The following LETMD1 variants were observed in gnomAD, a reference collection of about 807,000 sequenced individuals.
LETMD1 encodes the protein LETM1 domain containing 1.
LETMD1 carries 30 observed loss-of-function variants against 43.9 expected under a neutral mutation model. The ratio of observed to expected loss-of-function variants is 0.68; its 90% confidence interval spans 0.51 to 0.93. LETMD1 has a LOEUF of 0.93. Ranked by LOEUF, LETMD1 falls within the 40% of genes least tolerant of loss-of-function variation. The pLI is 0.00. For missense variants in LETMD1, 413 were observed against 447.7 expected (o/e 0.92, Z 0.70); for synonymous variants, 176 against 163.1 (o/e 1.08, Z -0.60).
At chr12:51,068,401 C>G in the LETMD1 span, among the ~76,000 whole-genome samples, 1 of 152,176 alleles carries the variant, frequency 6.6e-6, no homozygotes, top group Non-Finnish European at 1.5e-5. Flanking sequence ...ATCCACACAC[C>G]TCGGCCTCCC....
downstream of LETMD1, chr12:51,063,854 G>T (rs1407768475): frequency 6.2e-7 from 1 of 1,614,108 alleles, no homozygotes; most frequent in Admixed American, 1.7e-5. Flanking sequence ...TGCGGAAGGG[G>T]AGGCTTGAGG....
chr12:51,059,571 A>G lies in LETMD1; in HGVS notation c.*140A>G, dbSNP rs1230879779. On this transcript the variant is annotated 3_prime_UTR_variant, in exon 9 of 9. Transcript: ENST00000262055. ...GAGGAGCAGGGGCCATGGGCTTCAC[A>G]GCATGGCACACATGTGGGAACTGCA... The G allele has an allele frequency of 1.4e-6, 1 of 726,416 alleles. No individual in the cohort carries two copies. 45.0% of individuals were successfully genotyped at this position (726,416 alleles called of 1,614,324 possible).
Position 51,048,350 on chromosome 12 carries a change from T to G in LETMD1, c.-7T>G, listed in dbSNP as rs1944900416. 6.2e-7 allele frequency: 1 copy of G among 1,614,094 alleles called. No individual in the cohort carries two copies. Among genetic ancestry groups the G allele is most frequent in the Non-Finnish European group, 8.5e-7 (1 of 1,179,984 alleles). On this transcript the variant is annotated 5_prime_UTR_variant, in exon 1 of 9. Transcript: ENST00000262055. ...ACCTCTTCTCTCCCGCTTCTCTCGC[T>G]GTGAAGATGGCGCTCTCCAGGGTGT...
chr12:51,067,445 G>A, the LETMD1 span, among the ~76,000 whole-genome samples: 28 of 152,044 alleles, frequency 1.8e-4, no homozygotes, highest in Non-Finnish European at 3.4e-4. The surrounding 1 kb of genome is among the most constrained non-coding windows in gnomAD (Gnocchi z 4.1). Context: ...GGACTCAAGA[G>A]ATCCTCCTAC....
chr12:51,063,796 C>T, downstream of LETMD1: 1 of 1,600,120 alleles, frequency 6.2e-7, no homozygotes. Flanking sequence ...GGCCGATCCT[C>T]ATTCTGCTGG....
At chr12:51,063,594 TACTC>T (rs1006242202), downstream of LETMD1, 5 of 611,550 alleles carry the variant, frequency 8.2e-6, no homozygotes, top group African/African-American at 3.7e-5. Context: ...TTTTAAAAAA[TACTC>T]AAACAATCCT....
chr12:51,056,593 T>C (rs1024722174), intron 7 of LETMD1, 91 bp downstream of exon 7: 1 of 1,203,048 alleles, frequency 8.3e-7, no homozygotes, highest in African/African-American at 1.5e-5. Flanking sequence ...CCTTGTCTTG[T>C]TTGTTTATAG....
chr12:51,064,061 G>C (rs1261632361), downstream of LETMD1: 2 of 1,614,216 alleles, frequency 1.2e-6, no homozygotes, highest in Non-Finnish European at 1.7e-6. Context: ...AAGAGGCTGA[G>C]CCTTCTTCCG....
intron 3 of LETMD1, 46 bp downstream of exon 3, chr12:51,052,253 AC>A: frequency 6.2e-7 from 1 of 1,602,100 alleles, no homozygotes; most frequent in Non-Finnish European, 8.5e-7. Flanking sequence ...TGAGGTAATT[AC>A]ATTTAATCAA....
rs1472593873 is a variant in LETMD1, at chr12:51,055,862, C to G, written c.501C>G (p.Ile167Met). 2.5e-6 allele frequency: 4 copies of G among 1,611,938 alleles called. No individual in the cohort carries two copies. The highest frequency in any genetic ancestry group is 3.4e-6 in the Non-Finnish European group (4 of 1,179,024). The change falls in exon 5 of 9, where the codon ATC (isoleucine) becomes ATG (methionine). Residue 167 changes from isoleucine to methionine, a missense_variant. Physicochemically the swap from Ile to Met is conservative, Grantham distance 10. Transcript: ENST00000262055. The stretch of plus-strand genomic sequence containing the variant: ...ACCTGTTTCCCAGGCAACTACTGAT[C>G]AGGCATTTCTGGACCCCAAAACAAC... ...LMYLFPRQLL[I>M]RHFWTPKQQT...
intron 3 of LETMD1, among the ~76,000 whole-genome samples, chr12:51,053,565 C>A (rs1006451638): frequency 2.0e-5 from 3 of 152,100 alleles, no homozygotes; most frequent in African/African-American, 7.2e-5. Context: ...ATCACTTGAA[C>A]CCAGGAGGCA....
intron 8 of LETMD1, chr12:51,058,352 A>G (rs1948322185): frequency 1.8e-6 from 1 of 548,444 alleles, no homozygotes; most frequent in Non-Finnish European, 3.3e-6. Context: ...GAGTGAATGC[A>G]TGCTAGTGTG....
the LETMD1 span, among the ~76,000 whole-genome samples, chr12:51,068,361 A>G: frequency 6.6e-6 from 1 of 152,122 alleles, no homozygotes; most frequent in South Asian, 2.1e-4. Context: ...TGTGTTGGCC[A>G]GGCTAGTCTT....
intron 2 of LETMD1, 150 bp downstream of exon 2, chr12:51,049,335 C>A (rs1592525967): frequency 1.6e-6 from 1 of 614,260 alleles, no homozygotes. Flanking sequence ...AAACTAATTC[C>A]TATAAATTAG....
chr12:51,050,582 T>C (rs1258747780), intron 2 of LETMD1, among the ~76,000 whole-genome samples: 1 of 152,102 alleles, frequency 6.6e-6, no homozygotes, highest in East Asian at 1.9e-4. Context: ...CAAACTTCCA[T>C]GTATTAACCT....
At chr12:51,067,267 T>G in the LETMD1 span, among the ~76,000 whole-genome samples, 18 of 152,266 alleles carry the variant, frequency 1.2e-4, no homozygotes, top group East Asian at 1.9e-4. The surrounding 1 kb of genome is among the most constrained non-coding windows in gnomAD (Gnocchi z 4.1). Flanking sequence ...AACAGCTGCT[T>G]CTTATCACCT....
At chr12:51,057,627 C>CT (rs36057122) in intron 7 of LETMD1, 24,665 of 162,470 alleles carry the variant, frequency 0.15, 1,956 homozygotes, top group South Asian at 0.21. Flanking sequence ...GAGATTGTAA[C>CT]TTTTTTTTTT....
rs1946060115 is a variant in LETMD1, at chr12:51,051,302, G to A, written c.275-790G>A. ...ACCTATAATCCCAGCTACTCGGAAGGCTGAGGCAGGAGAATTGCTTGAACT... is the reference window on the plus strand; with the variant it reads ...ACCTATAATCCCAGCTACTCGGAAGACTGAGGCAGGAGAATTGCTTGAACT... On this transcript the variant is annotated intron_variant, in intron 2 of 8. Transcript: ENST00000262055. Among the ~76,000 whole-genome samples the A allele has an allele frequency of 1.3e-5, 2 of 152,054 alleles. 1 individual carries two copies. The highest frequency in any genetic ancestry group is 1.3e-4 in the Admixed American group (2 of 15,260).
At chr12:51,055,048 C>T (rs540818715) in intron 4 of LETMD1, among the ~76,000 whole-genome samples, 83 of 151,906 alleles carry the variant, frequency 5.5e-4, no homozygotes, top group Middle Eastern at 3.4e-3. Context: ...TGCAGTGAGC[C>T]GAGATCGCGC....
Sources: gnomAD v4.1 joint callset for allele counts (sites outside exome capture counted in the v4.1 genomes callset) on GRCh38, gnomAD v4.1.1 for gene constraint, Gnocchi (gnomAD v3.1) non-coding constraint, MANE v1.5 for transcripts, NCBI Gene and HGNC (gene_info 2026-07-23, HGNC 2026-07-21) for gene names.